Variants in NCSTN observed in about 807,000 individuals in gnomAD.
NCSTN encodes the protein anterior pharynx-defective 2.
NCSTN carries 22 observed loss-of-function variants against 87.0 expected under a neutral mutation model. The observed-to-expected ratio is 0.25, with a 90% confidence interval of 0.18 to 0.36. The LOEUF is 0.36. NCSTN is among the 10% of genes least tolerant of loss of function. The pLI is 1.00. For missense variants in NCSTN, 693 were observed against 883.3 expected, an observed-to-expected ratio of 0.78 and a Z score of 2.73; for synonymous variants, 306 against 327.1, an observed-to-expected ratio of 0.94 and a Z score of 0.69.
In NCSTN at chr1:160,343,876, C is replaced by T. The variant is rs1286247982; in HGVS notation, c.85+395C>T. 3.0e-5 allele frequency: 13 copies of T among 437,484 alleles called. No homozygotes were observed. In the Admixed American group the frequency reaches 3.2e-4, roughly 11 times the overall value. 27.1% of individuals were successfully genotyped at this position (437,484 alleles called of 1,614,324 possible). On this transcript the variant is annotated intron_variant, in intron 1 of 16. Coordinates refer to ENST00000294785, the MANE Select transcript of NCSTN (RefSeq NM_015331.3). ...GCAATCTTGTTCTGTGGGTGCTGTG[C>T]GGCGCTTAAAAGGTGGATTTCTTAT...
intron 6 of NCSTN, 103 bp downstream of exon 6, chr1:160,351,475 A>G (rs887284194): frequency 7.0e-7 from 1 of 1,419,220 alleles, no homozygotes; most frequent in Non-Finnish European, 9.8e-7. Flanking sequence ...AGGAGTAGAC[A>G]CCATGAAGGA....
In NCSTN at chr1:160,358,173, G is replaced by A. The variant is rs1048808831; in HGVS notation, c.2032G>A (p.Gly678Ser). 4.3e-6 allele frequency: 7 copies of A among 1,613,944 alleles called. No individual in the cohort carries two copies. Among genetic ancestry groups the A allele is most frequent in the South Asian group, 3.3e-5 (3 of 91,078 alleles). Residue 678 changes from glycine to serine, a missense_variant, in exon 17 of 17, where the codon GGC (glycine) becomes AGC (serine). Coordinates refer to ENST00000294785, the MANE Select transcript of NCSTN (RefSeq NM_015331.3). Reference protein sequence around the residue: ...LELITLTVGFGILIFSLIVTY... With the variant: ...LELITLTVGFSILIFSLIVTY... ...GTTGATCACCCTGACAGTGGGCTTC[G>A]GCATCCTCATCTTCTCCCTCATCGT...
intron 4 of NCSTN, 56 bp from the exon 5 acceptor site, chr1:160,350,049 C>T: frequency 1.3e-6 from 2 of 1,581,694 alleles, no homozygotes; most frequent in Non-Finnish European, 1.7e-6. Flanking sequence ...TCACCTGGTT[C>T]CTAAGTACTT....
rs1197449066 is a variant in NCSTN, at chr1:160,355,645, T to G, written c.1353-10T>G. The G allele has an allele frequency of 6.2e-7, 1 of 1,606,962 alleles. No homozygotes were observed. The highest frequency in any genetic ancestry group is 8.5e-7 in the Non-Finnish European group (1 of 1,173,422). On this transcript the variant is annotated splice_polypyrimidine_tract_variant and intron_variant, in intron 11 of 16. Coordinates refer to ENST00000294785, the MANE Select transcript of NCSTN (RefSeq NM_015331.3). ...AATGTAGCCAAGGCTCATGCCGGCT[T>G]TCCTGGCAGATATTACCAGAGTATT...
chr1:160,349,330 C>T (rs2101898349), intron 3 of NCSTN, among the ~76,000 whole-genome samples: 1 of 152,242 alleles, frequency 6.6e-6, no homozygotes, highest in Middle Eastern at 3.4e-3. Flanking sequence ...CTGAGTAACC[C>T]TGGGCATCCC....
intron 5 of NCSTN, among the ~76,000 whole-genome samples, chr1:160,350,897 C>G (rs1648801247): frequency 2.6e-5 from 4 of 152,092 alleles, no homozygotes; most frequent in South Asian, 4.1e-4. Flanking sequence ...GATTTCCTAT[C>G]TCTAGTTTGG....
chr1:160,348,881 T>C, intron 2 of NCSTN, 118 bp from the exon 3 acceptor site: 2 of 1,427,598 alleles, frequency 1.4e-6, no homozygotes, highest in Non-Finnish European at 9.9e-7. Flanking sequence ...TAGAGGTGCC[T>C]GTATTCACCC....
rs200640464 is a variant in NCSTN, at chr1:160,344,760, A to G, written c.124A>G (p.Ile42Val). ...RGNSVERKIY[I>V]PLNKTAPCVR... ...AAACTCAGTGGAGAGGAAGATATAT[A>G]TCCCCTTAAATAAAACAGCTCCCTG... is the stretch of plus-strand genomic sequence containing the variant. Residue 42 changes from isoleucine (I) to valine (V), a missense_variant, in exon 2 of 17, where the codon ATC becomes GTC. Ile to Val is a conservative substitution (Grantham distance 29). Coordinates refer to ENST00000294785, the MANE Select transcript of NCSTN (RefSeq NM_015331.3). The G allele has an allele frequency of 1.9e-5, 30 of 1,614,070 alleles. No individual in the cohort carries two copies. Among genetic ancestry groups the G allele is most frequent in the Non-Finnish European group, 2.5e-5 (29 of 1,180,030 alleles).
At chr1:160,351,632 G>C in intron 6 of NCSTN, 64 bp from the exon 7 acceptor site, 1 of 1,436,184 alleles carries the variant, frequency 7.0e-7, no homozygotes, top group East Asian at 2.3e-5. Context: ...GATTTCCAAT[G>C]TTGCCTTTAT....
Position 160,358,307 on chromosome 1 carries a change from C to G in NCSTN, c.*36C>G. ...AGCTTTTCTTGCCAGCTCAGCAGTT[C>G]ACTTCCTAGAGCATCTGTCCCACTG... On this transcript the variant is annotated 3_prime_UTR_variant, in exon 17 of 17. Coordinates refer to ENST00000294785, the MANE Select transcript of NCSTN (RefSeq NM_015331.3). The G allele has an allele frequency of 6.2e-7, 1 of 1,613,446 alleles. No individual in the cohort carries two copies.
intron 5 of NCSTN, among the ~76,000 whole-genome samples, chr1:160,350,740 G>C (rs1043837123): frequency 6.6e-6 from 1 of 152,010 alleles, no homozygotes; most frequent in African/African-American, 2.4e-5. Context: ...ATTAGAGATT[G>C]AGAAATTCAA....
At chr1:160,350,078 C>A (rs201797865) in intron 4 of NCSTN, 27 bp from the exon 5 acceptor site, 21 of 1,612,492 alleles carry the variant, frequency 1.3e-5, no homozygotes, top group Non-Finnish European at 1.6e-5. Flanking sequence ...AGTAACCAGT[C>A]CCCCTATTCC....
In NCSTN at chr1:160,353,152, C is replaced by G. The variant is rs769379850; in HGVS notation, c.1102-8C>G. The stretch of plus-strand genomic sequence containing the variant: ...ATTCTAAGTGTTGTTTCTTCATCCT[C>G]CCCCCAGGTGGCCTTAAGAACTTCA... On this transcript the variant is annotated splice_region_variant and splice_polypyrimidine_tract_variant and intron_variant, in intron 9 of 16. Transcript: ENST00000294785. 6 of 1,613,106 alleles carry G rather than the reference C, an allele frequency of 3.7e-6. No individual in the cohort carries two copies. In the East Asian group the frequency reaches 1.3e-4, roughly 36 times the overall value.
In NCSTN at chr1:160,358,885, C is replaced by T. The variant is rs991939340; in HGVS notation, c.*614C>T. On this transcript the variant is annotated 3_prime_UTR_variant, in exon 17 of 17. Coordinates refer to ENST00000294785, the MANE Select transcript of NCSTN (RefSeq NM_015331.3). ...CTGTAATATCTATTTTTGTTTTTGT[C>T]TTTTTCCTTTATTCTTTTTGTAAAT... 6.5e-6 allele frequency: 1 copy of T among 153,312 alleles called. No individual in the cohort carries two copies. Among genetic ancestry groups the T allele is most frequent in the African/African-American group, 2.4e-5 (1 of 41,386 alleles). 9.5% of individuals were successfully genotyped at this position (153,312 alleles called of 1,614,324 possible).
chr1:160,351,677 T>C lies in NCSTN; in HGVS notation c.734-19T>C, dbSNP rs982233280. The C allele has an allele frequency of 6.4e-7, 1 of 1,550,948 alleles. No individual in the cohort carries two copies. The highest frequency in any genetic ancestry group is 8.9e-7 in the Non-Finnish European group (1 of 1,122,548). On this transcript the variant is annotated intron_variant, in intron 6 of 16. Coordinates refer to ENST00000294785, the MANE Select transcript of NCSTN (RefSeq NM_015331.3). The stretch of plus-strand genomic sequence containing the variant: ...CTCCTTTAGCCTTGTTGATCTCTCA[T>C]TGTTTGTGTCCTGCTTAGAAATCGT...
Position 160,354,283 on chromosome 1 carries a change from C to T in NCSTN, c.1345C>T (p.His449Tyr). The change falls in exon 11 of 17, where the codon CAT (histidine) becomes TAT (tyrosine). Residue 449 changes from histidine to tyrosine, a missense_variant. Physicochemically the swap from His to Tyr is moderately conservative, Grantham distance 83. Around this residue, in one of 4 missense-constraint regions of NCSTN, gnomAD observed 108 missense variants for 111.6 expected, o/e 0.97. Transcript: ENST00000294785. Reference protein sequence around the residue: ...VVLADHSGAFHNKYYQSIYDT... With the variant: ...VVLADHSGAFYNKYYQSIYDT... ...TCTGGCTGACCACTCTGGTGCCTTC[C>T]ATAACAAGTAAGAATCACTTGGCCC... 3.1e-6 allele frequency: 5 copies of T among 1,614,112 alleles called. No homozygotes were observed. Among genetic ancestry groups the T allele is most frequent in the Non-Finnish European group, 4.2e-6 (5 of 1,180,006 alleles).
intron 2 of NCSTN, among the ~76,000 whole-genome samples, chr1:160,348,080 G>A (rs1648612865): frequency 6.6e-6 from 1 of 152,228 alleles, no homozygotes; most frequent in South Asian, 2.1e-4. Flanking sequence ...AGAACTACTG[G>A]TCTAAAATAA....
rs201887260 is a variant in NCSTN at position 160,358,142 on chromosome 1, C to A, written c.2008-7C>A. Reference sequence around the variant, plus strand: ...TTTGTCCTTTCCTGCCCTCCCTCCCCCTGCAGTTGATCACCCTGACAGTGG... The same window carrying A: ...TTTGTCCTTTCCTGCCCTCCCTCCCACTGCAGTTGATCACCCTGACAGTGG... On this transcript the variant is annotated splice_region_variant and splice_polypyrimidine_tract_variant and intron_variant, in intron 16 of 16. Coordinates refer to ENST00000294785, the MANE Select transcript of NCSTN (RefSeq NM_015331.3). The A allele has an allele frequency of 5.6e-6, 9 of 1,614,012 alleles. No homozygotes were observed. In the South Asian group the frequency reaches 6.6e-5, roughly 12 times the overall value.
rs1026259027 is a variant in NCSTN at position 160,355,605 on chromosome 1, G to T, written c.1353-50G>T. On this transcript the variant is annotated intron_variant, in intron 11 of 16. Transcript: ENST00000294785. Reference sequence around the variant, plus strand: ...AAGGAGCATTTGAGGGAGGAAAGGGGCAGAGCCCTGGCTAAATGTAGCCAA... The same window carrying T: ...AAGGAGCATTTGAGGGAGGAAAGGGTCAGAGCCCTGGCTAAATGTAGCCAA... 2.9e-6 allele frequency: 4 copies of T among 1,376,406 alleles called. No individual in the cohort carries two copies. In the Admixed American group the frequency reaches 5.0e-5, roughly 17 times the overall value. The allele number at this position is 1,376,406 out of a possible 1,614,324, so 85.3% of individuals were successfully genotyped here.
Sources: allele counts gnomAD v4.1 joint callset (sites outside exome capture counted in the v4.1 genomes callset), GRCh38; gene constraint gnomAD v4.1.1; regional missense constraint gnomAD v4.1.1; transcripts MANE v1.5; gene names NCBI Gene and HGNC (gene_info 2026-07-23, HGNC 2026-07-21).